Variants in TPD52 observed in about 807,000 individuals in gnomAD.
TPD52 encodes the protein prostate and colon associated protein.
In TPD52, 17 loss-of-function variants were observed where a neutral mutation model predicts 31.3. That is an observed-to-expected ratio of 0.54 (90% CI 0.37 to 0.82). TPD52 has a LOEUF of 0.82. Among genes scored for constraint, TPD52 ranks in the 40% least tolerant of loss-of-function variants. The pLI is 0.00. For synonymous variants in TPD52, 83 were observed against 89.6 expected (o/e 0.93, Z 0.42); for missense variants, 212 against 240.1 (o/e 0.88, Z 0.77).
At chr8:80,053,471 A>G (rs1811571406) in intron 2 of TPD52, 41 bp from the exon 3 acceptor site, 1 of 1,591,774 alleles carries the variant, frequency 6.3e-7, no homozygotes, top group Non-Finnish European at 8.6e-7. Flanking sequence ...AGCAAAAGTC[A>G]TTCAGTAAGT....
chr8:80,107,175 C>A (rs1464151516), intron 1 of TPD52, among the ~76,000 whole-genome samples: 1 of 152,142 alleles, frequency 6.6e-6, no homozygotes, highest in Non-Finnish European at 1.5e-5. Flanking sequence ...GAAAGCCATT[C>A]CTAAAGTGTT....
chr8:80,150,025 T>C (rs995776768), intron 1 of TPD52, among the ~76,000 whole-genome samples: 3 of 152,220 alleles, frequency 2.0e-5, no homozygotes, highest in African/African-American at 7.2e-5. Context: ...AGGCAGCCCC[T>C]CCCATCACAG....
At chr8:80,089,362 C>A (rs968384430) in intron 1 of TPD52, among the ~76,000 whole-genome samples, 5 of 152,084 alleles carry the variant, frequency 3.3e-5, no homozygotes, top group Non-Finnish European at 5.9e-5. Context: ...AAAAGAGAGG[C>A]AGGACTGAAG....
At chr8:80,136,958 AC>A (rs1809478021) in intron 1 of TPD52, among the ~76,000 whole-genome samples, 2 of 152,206 alleles carry the variant, frequency 1.3e-5, no homozygotes, top group Non-Finnish European at 2.9e-5. Flanking sequence ...AAATCTACAA[AC>A]AACTTCAGCT....
chr8:80,136,153 A>T (rs1285298496), intron 1 of TPD52, among the ~76,000 whole-genome samples: 34 of 119,556 alleles, frequency 2.8e-4, no homozygotes, highest in East Asian at 8.1e-4. Context: ...TTAATTAATT[A>T]AAAAAAAAAA....
At chr8:80,064,130 A>T (rs1171667487) in intron 2 of TPD52, among the ~76,000 whole-genome samples, 1 of 152,088 alleles carries the variant, frequency 6.6e-6, no homozygotes, top group East Asian at 1.9e-4. Context: ...CATCTCTGCA[A>T]CACAGCCAAG....
intron 1 of TPD52, among the ~76,000 whole-genome samples, chr8:80,151,400 G>A (rs1229138672): frequency 1.3e-5 from 2 of 152,178 alleles, no homozygotes; most frequent in African/African-American, 4.8e-5. Context: ...AAAACTTGAA[G>A]AAACAGCCGA....
At chr8:80,092,761 C>T (rs1352474946) in intron 1 of TPD52, among the ~76,000 whole-genome samples, 4 of 126,872 alleles carry the variant, frequency 3.2e-5, no homozygotes, top group Non-Finnish European at 1.6e-5. Context: ...GTGTTATACA[C>T]ATTCTACCAC....
chr8:80,171,129 G>A, intron 1 of TPD52: 2 of 679,524 alleles, frequency 2.9e-6, no homozygotes, highest in Non-Finnish European at 5.4e-6. Context: ...AGCGCATCAC[G>A]GCCGCCAGCC....
At chr8:80,140,362 T>A (rs1199266865) in intron 1 of TPD52, among the ~76,000 whole-genome samples, 1 of 152,202 alleles carries the variant, frequency 6.6e-6, no homozygotes, top group East Asian at 1.9e-4. Context: ...TTCCAACTCA[T>A]CAAGTCTTAT....
chr8:80,167,465 A>C (rs2131283823), intron 1 of TPD52, among the ~76,000 whole-genome samples: 1 of 152,330 alleles, frequency 6.6e-6, no homozygotes, highest in African/African-American at 2.4e-5. Flanking sequence ...TCCCCTAGGG[A>C]CTAGGCAGCC....
intron 5 of TPD52, among the ~76,000 whole-genome samples, chr8:80,046,957 G>C (rs1410704615): frequency 6.6e-6 from 1 of 152,182 alleles, no homozygotes; most frequent in Non-Finnish European, 1.5e-5. Context: ...GCAGCGGGAG[G>C]AGGAGAAGGG....
chr8:80,096,755 T>C (rs1223123363), intron 1 of TPD52, among the ~76,000 whole-genome samples: 1 of 152,202 alleles, frequency 6.6e-6, no homozygotes, highest in African/African-American at 2.4e-5. Flanking sequence ...GTGCTCTGAC[T>C]GTTCCACAAA....
chr8:80,047,767 A>C (rs576445551), intron 5 of TPD52, among the ~76,000 whole-genome samples: 1 of 152,340 alleles, frequency 6.6e-6, no homozygotes, highest in South Asian at 2.1e-4. Context: ...GCAAAAGGGA[A>C]TTGTCTAGCA....
At chr8:80,032,183 A>C (rs776281593), downstream of TPD52, among the ~76,000 whole-genome samples, 4 of 150,600 alleles carry the variant, frequency 2.7e-5, no homozygotes, top group African/African-American at 4.9e-5. Flanking sequence ...AAAATGAGTA[A>C]GTTTGTATCA....
intron 1 of TPD52, among the ~76,000 whole-genome samples, chr8:80,162,019 G>A (rs911547644): frequency 6.6e-6 from 1 of 152,072 alleles, no homozygotes; most frequent in African/African-American, 2.4e-5. Context: ...GTGAGCCACC[G>A]CACCTGGCCT....
chr8:80,144,346 A>G (rs73269649), intron 1 of TPD52, among the ~76,000 whole-genome samples: 1,969 of 152,344 alleles, frequency 0.013, 39 homozygotes, highest in African/African-American at 0.045. Flanking sequence ...AAAACACTGA[A>G]CAATTAAAAA....
In TPD52 at chr8:80,053,368, C is replaced by G. The variant is rs1284923324; in HGVS notation, c.198G>C (p.Glu66Asp). ...VLAAKEKHLA[E>D]IKRKLGINSL... is the part of the protein sequence containing the mutation. ...AATTGATTCCAAGTTTCCGCTTGAT[C>G]TCTGCTAGATGCTTCTCTTTTGCTG... is the stretch of plus-strand genomic sequence containing the variant. Residue 66 changes from glutamate to aspartate, a missense_variant, in exon 3 of 8, where the codon GAG becomes GAC. Coordinates refer to ENST00000518937, the MANE Select transcript of TPD52 (RefSeq NM_001025253.3). 1 of 1,613,770 alleles carries G rather than the reference C, an allele frequency of 6.2e-7. No individual in the cohort carries two copies.
chr8:80,156,322 G>C (rs576053586), intron 1 of TPD52, among the ~76,000 whole-genome samples: 14 of 152,336 alleles, frequency 9.2e-5, no homozygotes, highest in Non-Finnish European at 1.6e-4. Flanking sequence ...AGTTCCAAGA[G>C]AGGCAGGTAC....
Sources: allele counts gnomAD v4.1 joint callset (sites outside exome capture counted in the v4.1 genomes callset), GRCh38; gene constraint gnomAD v4.1.1; transcripts MANE v1.5; gene names NCBI Gene and HGNC (gene_info 2026-07-23, HGNC 2026-07-21).